KSR1: variants seen among roughly 807,000 people sequenced by gnomAD.
KSR1 encodes the protein kinase suppressor of ras.
KSR1 carries 35 observed loss-of-function variants against 92.9 expected under a neutral mutation model. The ratio of observed to expected loss-of-function variants is 0.38; its 90% CI spans 0.29 to 0.50. The LOEUF (loss-of-function observed/expected upper bound fraction) is 0.50, where lower values mean the gene tolerates loss of function less well. Among genes scored for constraint, KSR1 ranks in the 20% least tolerant of loss-of-function variants. KSR1 has a pLI of 0.94. For missense variants in KSR1, 972 were observed against 1,158.5 expected, an observed-to-expected ratio of 0.84 and a Z score of 2.34; for synonymous variants, 467 against 472.6, an observed-to-expected ratio of 0.99 and a Z score of 0.15.
chr17:27,590,650 C>G, intron 6 of KSR1, among the ~76,000 whole-genome samples, 161 bp from the exon 7 acceptor site: 1 of 152,218 alleles, frequency 6.6e-6, no homozygotes, highest in Non-Finnish European at 1.5e-5. Context: ...AGGGGAGAAG[C>G]AGTGGCCCGT....
chr17:27,461,111 C>T (rs2019412496), intron 1 of KSR1, among the ~76,000 whole-genome samples: 1 of 151,912 alleles, frequency 6.6e-6, no homozygotes, highest in African/African-American at 2.4e-5. Flanking sequence ...AGTCAGAGTC[C>T]CACTCTGTCG....
chr17:27,502,613 A>G (rs1440114706), intron 1 of KSR1, among the ~76,000 whole-genome samples: 3 of 152,204 alleles, frequency 2.0e-5, no homozygotes, highest in African/African-American at 4.8e-5. Context: ...ACCTAGTCCC[A>G]TGTCAGGAGC....
intron 1 of KSR1, among the ~76,000 whole-genome samples, chr17:27,544,616 G>A (rs1376000951): frequency 6.6e-6 from 1 of 152,236 alleles, no homozygotes; most frequent in Non-Finnish European, 1.5e-5. Context: ...TGGGGTGTGA[G>A]AGATGTTGGT....
chr17:27,492,487 G>A (rs62057779), intron 1 of KSR1, among the ~76,000 whole-genome samples: 38,147 of 152,110 alleles, frequency 0.25, 6,179 homozygotes, highest in East Asian at 0.66. Flanking sequence ...TGTCAGCTCT[G>A]TGTCTGAGCT....
chr17:27,514,793 A>G (rs1049446571), intron 1 of KSR1, among the ~76,000 whole-genome samples: 2 of 152,296 alleles, frequency 1.3e-5, no homozygotes, highest in East Asian at 3.9e-4. Context: ...TTGCTTTATC[A>G]TCTTCAGCAC....
At position 27,540,982 on chromosome 17, in the gene KSR1, G is replaced by A. The variant is rs532991501; in HGVS notation, c.232-9586G>A. Among the ~76,000 whole-genome samples, 38 of 152,390 alleles carry A rather than the reference G, an allele frequency of 2.5e-4. 1 individual carries two copies. In the South Asian group the frequency reaches 3.3e-3, roughly 13 times the overall value. On this transcript the variant is annotated intron_variant, in intron 1 of 20. Transcript: ENST00000644974. ...TGGGAAGGAAGTGGAAGATGTAAGG[G>A]GAGCTTCCCCGAGGCATGGACAGAA...
Position 27,550,786 on chromosome 17 carries a change from C to A in KSR1, c.372+78C>A, listed in dbSNP as rs2071370683. Reference sequence around the variant, plus strand: ...GAACACACACAAACCCGAGGGCTAGCTTCCCCGTGGCTAAGACTAAGGGTT... The same window carrying A: ...GAACACACACAAACCCGAGGGCTAGATTCCCCGTGGCTAAGACTAAGGGTT... On this transcript the variant is annotated intron_variant, in intron 2 of 20. Coordinates refer to ENST00000644974, the MANE Select transcript of KSR1 (RefSeq NM_001394583.1). 8.5e-6 allele frequency: 6 copies of A among 705,486 alleles called. No individual in the cohort carries two copies. The Admixed American group carries it at 1.2e-4, about 14-fold the overall frequency. 43.7% of individuals were successfully genotyped at this position (705,486 alleles called of 1,614,324 possible).
chr17:27,473,265 T>G (rs757904998), intron 1 of KSR1, among the ~76,000 whole-genome samples: 1 of 152,236 alleles, frequency 6.6e-6, no homozygotes, highest in Non-Finnish European at 1.5e-5. Context: ...TCTTGGGTCT[T>G]GTTCAGGGCA....
intron 1 of KSR1, among the ~76,000 whole-genome samples, chr17:27,467,682 TG>T (rs1389218646): frequency 6.6e-6 from 1 of 152,214 alleles, no homozygotes; most frequent in Non-Finnish European, 1.5e-5. Flanking sequence ...ACAGGGGAAA[TG>T]TCTCTTTCAG....
chr17:27,461,392 T>G (rs1486759110), intron 1 of KSR1, among the ~76,000 whole-genome samples: 1 of 152,198 alleles, frequency 6.6e-6, no homozygotes, highest in Non-Finnish European at 1.5e-5. Context: ...TGGGAAATAT[T>G]CCCAGAGTCT....
chr17:27,604,550 C>T (rs974668608), intron 12 of KSR1, 130 bp from the exon 13 acceptor site: 12 of 854,192 alleles, frequency 1.4e-5, no homozygotes, highest in Admixed American at 9.6e-5. Context: ...GCTATCCACG[C>T]GGCCTTTCCC....
At chr17:27,509,849 A>G (rs565814176) in intron 1 of KSR1, among the ~76,000 whole-genome samples, 12 of 152,336 alleles carry the variant, frequency 7.9e-5, no homozygotes, top group Non-Finnish European at 1.3e-4. Flanking sequence ...CAAAAAATAA[A>G]TAAATAAAAT....
At chr17:27,517,939 G>T (rs2069867605) in intron 1 of KSR1, among the ~76,000 whole-genome samples, 1 of 152,216 alleles carries the variant, frequency 6.6e-6, no homozygotes, top group South Asian at 2.1e-4. Flanking sequence ...GTAAGCTAAA[G>T]CAGTAACACG....
intron 1 of KSR1, among the ~76,000 whole-genome samples, chr17:27,520,443 T>C (rs540829218): frequency 6.6e-6 from 1 of 152,352 alleles, no homozygotes; most frequent in Non-Finnish European, 1.5e-5. Context: ...CTGGAAAGCT[T>C]AATCTTCTAA....
chr17:27,592,796 C>A (rs2073212439), intron 9 of KSR1, among the ~76,000 whole-genome samples, 170 bp downstream of exon 9: 1 of 152,216 alleles, frequency 6.6e-6, no homozygotes, highest in African/African-American at 2.4e-5. Context: ...GGAGGCTTTA[C>A]ATTTAAGTTG....
chr17:27,470,475 C>T (rs546782780), intron 1 of KSR1, among the ~76,000 whole-genome samples: 3 of 152,074 alleles, frequency 2.0e-5, no homozygotes, highest in South Asian at 4.2e-4. Context: ...CCCCTGACCT[C>T]GTGATCCACC....
chr17:27,545,966 C>T (rs1358627768), intron 1 of KSR1, among the ~76,000 whole-genome samples: 1 of 152,240 alleles, frequency 6.6e-6, no homozygotes, highest in Non-Finnish European at 1.5e-5. Context: ...CCCTTGAAGG[C>T]CATGTGCCAG....
intron 2 of KSR1, among the ~76,000 whole-genome samples, chr17:27,571,207 A>G (rs1458651681): frequency 3.3e-5 from 5 of 152,158 alleles, no homozygotes; most frequent in Non-Finnish European, 5.9e-5. Flanking sequence ...GGAACTGGCC[A>G]CAAGCAAAGC....
At chr17:27,512,747 G>T (rs1008338464) in intron 1 of KSR1, among the ~76,000 whole-genome samples, 2 of 152,190 alleles carry the variant, frequency 1.3e-5, no homozygotes, top group Non-Finnish European at 2.9e-5. Context: ...GATGTATTGA[G>T]AACCTACGGT....
Sources: allele counts gnomAD v4.1 joint callset (sites outside exome capture counted in the v4.1 genomes callset), GRCh38; gene constraint gnomAD v4.1.1; transcripts MANE v1.5; gene names NCBI Gene and HGNC (gene_info 2026-07-23, HGNC 2026-07-21).